The following NLGN1 variants were observed in gnomAD, a reference collection of about 807,000 sequenced individuals.
The protein encoded by NLGN1 is neuroligin 1, also known as neuroligin-1.
In NLGN1, 12 loss-of-function variants were observed where a neutral mutation model predicts 65.5. That is an observed-to-expected ratio of 0.18 (90% confidence interval 0.12 to 0.30). The LOEUF (loss-of-function observed/expected upper bound fraction) is 0.30, where lower values mean the gene tolerates loss of function less well. Among genes scored for constraint, NLGN1 ranks in the 10% least tolerant of loss-of-function variants. The pLI, the probability that NLGN1 is intolerant of heterozygous loss-of-function variation, is 1.00. For missense variants in NLGN1, 750 were observed against 1,007.1 expected (o/e 0.74, Z 3.46); for synonymous variants, 350 against 359.5 (o/e 0.97, Z 0.30).
chr3:173,729,959 A>G (rs1772499307), intron 3 of NLGN1, among the ~76,000 whole-genome samples: 3 of 152,010 alleles, frequency 2.0e-5, no homozygotes, highest in African/African-American at 7.2e-5. Context: ...TGAATAGGTC[A>G]GTGAGGCAGA....
chr3:173,509,873 T>C (rs912907155), intron 2 of NLGN1, among the ~76,000 whole-genome samples: 1 of 152,202 alleles, frequency 6.6e-6, no homozygotes, highest in African/African-American at 2.4e-5. Context: ...TTGATTGTTT[T>C]GATATCTTTT....
chr3:173,596,982 A>G (rs903102588), intron 2 of NLGN1, among the ~76,000 whole-genome samples: 1 of 152,124 alleles, frequency 6.6e-6, no homozygotes, highest in African/African-American at 2.4e-5. Flanking sequence ...TCTCTGCCCC[A>G]GGCTATTGAA....
chr3:173,506,481 T>C (rs1732056485), intron 2 of NLGN1, among the ~76,000 whole-genome samples: 1 of 152,118 alleles, frequency 6.6e-6, no homozygotes, highest in Non-Finnish European at 1.5e-5. Context: ...AGTAACTAGC[T>C]ATAATTGTGA....
At chr3:173,426,315 C>G (rs1259604205) in intron 1 of NLGN1, among the ~76,000 whole-genome samples, 1 of 151,636 alleles carries the variant, frequency 6.6e-6, no homozygotes, top group Non-Finnish European at 1.5e-5. Flanking sequence ...ATTTGCATGC[C>G]TTTTTTTTCC....
chr3:174,102,875 G>A (rs986751261), intron 4 of NLGN1, among the ~76,000 whole-genome samples: 5 of 152,086 alleles, frequency 3.3e-5, no homozygotes, highest in East Asian at 1.9e-4. Flanking sequence ...TCATTGCTAC[G>A]TCTACACTAA....
At chr3:173,903,284 A>T (rs574445162) in intron 4 of NLGN1, among the ~76,000 whole-genome samples, 1 of 152,132 alleles carries the variant, frequency 6.6e-6, no homozygotes, top group South Asian at 2.1e-4. Flanking sequence ...GGAGGAGAGG[A>T]TGATCAGGAG....
chr3:173,690,108 A>C (rs961476815), intron 3 of NLGN1, among the ~76,000 whole-genome samples: 1 of 152,214 alleles, frequency 6.6e-6, no homozygotes, highest in Non-Finnish European at 1.5e-5. Context: ...AAGTGGTAGC[A>C]GGACTCCAGA....
intron 4 of NLGN1, among the ~76,000 whole-genome samples, chr3:173,827,627 A>ATGTGTG (rs1179875893): frequency 2.8e-5 from 2 of 71,882 alleles, no homozygotes; most frequent in Non-Finnish European, 2.8e-5. Context: ...TATATTTATG[A>ATGTGTG]TATGTGTGTG....
chr3:173,910,681 T>C (rs531519355), intron 4 of NLGN1: 7 of 152,196 alleles, frequency 4.6e-5, no homozygotes, highest in Non-Finnish European at 8.8e-5. Context: ...TATATAATGC[T>C]CACAGCAAAT....
At chr3:174,009,916 A>C (rs1725192677) in intron 4 of NLGN1, among the ~76,000 whole-genome samples, 1 of 152,158 alleles carries the variant, frequency 6.6e-6, no homozygotes, top group South Asian at 2.1e-4. Context: ...GCTGCCATGC[A>C]TAGGGGACAG....
intron 4 of NLGN1, among the ~76,000 whole-genome samples, chr3:174,026,689 C>T (rs965872489): frequency 1.3e-5 from 2 of 152,074 alleles, no homozygotes; most frequent in Admixed American, 1.3e-4. Flanking sequence ...AAAGCTTGAG[C>T]AGGATTTTAG....
At chr3:173,894,009 C>T (rs2152138568) in intron 4 of NLGN1, among the ~76,000 whole-genome samples, 1 of 152,276 alleles carries the variant, frequency 6.6e-6, no homozygotes. Context: ...AACTTTCACA[C>T]TTTCCCTTAC....
At chr3:173,577,280 A>G (rs959913038) in intron 2 of NLGN1, among the ~76,000 whole-genome samples, 5 of 152,230 alleles carry the variant, frequency 3.3e-5, no homozygotes, top group Non-Finnish European at 2.9e-5. Context: ...TTCTCATTCT[A>G]TCAAATAATG....
chr3:173,845,525 G>A (rs910459035), intron 4 of NLGN1, among the ~76,000 whole-genome samples: 36 of 152,018 alleles, frequency 2.4e-4, no homozygotes, highest in Admixed American at 8.5e-4. Context: ...TATTTCTCTA[G>A]GACTCAATAA....
chr3:174,215,124 T>C (rs1029912904), intron 4 of NLGN1, among the ~76,000 whole-genome samples: 2 of 152,124 alleles, frequency 1.3e-5, no homozygotes, highest in African/African-American at 4.8e-5. Context: ...ACCAGGAGTT[T>C]TTCTCGGTTG....
At chr3:173,490,378 A>G (rs1303587373) in intron 2 of NLGN1, among the ~76,000 whole-genome samples, 1 of 152,054 alleles carries the variant, frequency 6.6e-6, no homozygotes, top group South Asian at 2.1e-4. Context: ...TGTTTTTCTC[A>G]GGTTTGTCAA....
At position 173,611,171 on chromosome 3, in the gene NLGN1, A is replaced by C. The variant is rs1419423363; in HGVS notation, c.493+6080A>C. On this transcript the variant is annotated intron_variant, in intron 3 of 6. Transcript: ENST00000457714. ...TTTCAATTGTTTGATGTGTAATGTT[A>C]AGGAAAATGAAGATAGAATTAACAT... Among the ~76,000 whole-genome samples the C allele has an allele frequency of 3.3e-5, 5 of 152,116 alleles. No individual in the cohort carries two copies. In the South Asian group the frequency reaches 1.0e-3, roughly 32 times the overall value.
intron 2 of NLGN1, among the ~76,000 whole-genome samples, chr3:173,595,391 T>C (rs1459377627): frequency 6.6e-6 from 1 of 152,194 alleles, no homozygotes; most frequent in East Asian, 1.9e-4. Context: ...GAGTCACCTT[T>C]TCTCCAGTTC....
chr3:173,759,053 A>G (rs1025858295), intron 3 of NLGN1, among the ~76,000 whole-genome samples: 2 of 151,814 alleles, frequency 1.3e-5, no homozygotes, highest in Non-Finnish European at 2.9e-5. Flanking sequence ...TTTTTCTTCT[A>G]CATCCCACAT....
Sources: allele counts gnomAD v4.1 joint callset (sites outside exome capture counted in the v4.1 genomes callset), GRCh38; gene constraint gnomAD v4.1.1; transcripts MANE v1.5; gene names NCBI Gene and HGNC (gene_info 2026-07-23, HGNC 2026-07-21).